PLXNA1: variants seen among roughly 807,000 people sequenced by gnomAD.
The protein encoded by PLXNA1 is plexin A1, also known as plexin-A1.
Under a neutral mutation model 191.7 loss-of-function variants are expected in PLXNA1, and 77 were observed. That is an observed-to-expected ratio of 0.40 (90% CI 0.33 to 0.49). PLXNA1 has a LOEUF of 0.49. Ranked by LOEUF, PLXNA1 falls within the 20% of genes least tolerant of loss-of-function variation. The probability of loss-of-function intolerance (pLI) is 0.63; values close to 1 mark genes in which losing one functional copy is unlikely to be tolerated. For missense variants in PLXNA1, 2,110 were observed against 2,660.2 expected, an observed-to-expected ratio of 0.79 and a Z score of 4.55; for synonymous variants, 1,137 against 1,156.4, an observed-to-expected ratio of 0.98 and a Z score of 0.34.
chr3:126,992,292 C>T (rs73194708), intron 3 of PLXNA1, among the ~76,000 whole-genome samples: 6,586 of 152,086 alleles, frequency 0.043, 347 homozygotes, highest in African/African-American at 0.13. Context: ...AGGAAGCTCC[C>T]GGAGAGACTG....
chr3:126,986,865 A>G (rs1438524879), intron 1 of PLXNA1, among the ~76,000 whole-genome samples: 2 of 152,184 alleles, frequency 1.3e-5, no homozygotes, highest in Non-Finnish European at 2.9e-5. Flanking sequence ...TCCCTGGTAG[A>G]CTTGGAGAAG....
intron 1 of PLXNA1, among the ~76,000 whole-genome samples, chr3:126,984,807 A>T (rs912356022): frequency 2.0e-5 from 3 of 152,178 alleles, no homozygotes; most frequent in African/African-American, 7.2e-5. Context: ...TTGAGCCCCC[A>T]GGAAAGCCCC....
At chr3:127,025,885 A>G (rs1338491005) in intron 23 of PLXNA1, among the ~76,000 whole-genome samples, 1 of 152,246 alleles carries the variant, frequency 6.6e-6, no homozygotes. Flanking sequence ...AACTCTTTTT[A>G]AACAACCCAA....
In PLXNA1 at chr3:127,033,949, C is replaced by T; in HGVS notation, c.5623C>T (p.Gln1875Ter). The change falls in exon 32 of 32, where the codon CAG becomes TAG. Residue 1875 changes from glutamine to a stop codon, truncating the protein, a stop_gained. Coordinates refer to ENST00000393409, the MANE Select transcript of PLXNA1 (RefSeq NM_032242.4). LOFTEE classifies it high-confidence loss of function. Reference protein sequence around the residue: ...EILAALEKDEQARRQRLRSKL... With the variant: ...EILAALEKDE ...CCTGGCAGCCCTGGAGAAGGATGAGCAGGCGCGGCGGCAGCGGCTGCGGAG... is the reference window on the plus strand; with the variant it reads ...CCTGGCAGCCCTGGAGAAGGATGAGTAGGCGCGGCGGCAGCGGCTGCGGAG... The T allele has an allele frequency of 6.2e-7, 1 of 1,605,484 alleles. No individual in the cohort carries two copies. The highest frequency in any genetic ancestry group is 8.5e-7 in the Non-Finnish European group (1 of 1,177,268).
At chr3:127,012,909 T>TC (rs2107630978) in intron 10 of PLXNA1, among the ~76,000 whole-genome samples, 1 of 152,328 alleles carries the variant, frequency 6.6e-6, no homozygotes, top group African/African-American at 2.4e-5. Flanking sequence ...GCAGTGGGCT[T>TC]CCTGTAACTC....
In PLXNA1 at chr3:127,014,247, T is replaced by C; in HGVS notation, c.2476T>C (p.Phe826Leu). ...CGLCLKADPR[F>L]ECGWCVAERR... ...CCTCTGCCTCAAGGCCGACCCGCGC[T>C]TCGAGTGCGGATGGTGCGTGGCCGA... Residue 826 changes from phenylalanine (F) to leucine (L), a missense_variant, in exon 12 of 32, where the codon TTC becomes CTC. By Grantham distance (22) the Phe-to-Leu change is conservative. Around this residue, in one of 4 missense-constraint regions of PLXNA1, gnomAD observed 644 missense variants for 714.3 expected, o/e 0.90. Transcript: ENST00000393409. The C allele has an allele frequency of 6.2e-7, 1 of 1,602,826 alleles. No individual in the cohort carries two copies. The highest frequency in any genetic ancestry group is 8.5e-7 in the Non-Finnish European group (1 of 1,175,274).
Position 127,032,367 on chromosome 3 carries a change from G to A in PLXNA1, c.5232-20G>A, listed in dbSNP as rs754347448. The A allele has an allele frequency of 6.8e-6, 11 of 1,611,758 alleles. No individual in the cohort carries two copies. The African/African-American group carries it at 1.3e-4, about 20-fold the overall frequency. ...GGGAGCAGAGGCCTATCTGAGCAGC[G>A]CCTGGACTCTCGCCTGCAGCCTGCC... On this transcript the variant is annotated intron_variant, in intron 29 of 31. Transcript: ENST00000393409.
chr3:127,009,844 C>T (rs1383532867), intron 9 of PLXNA1, among the ~76,000 whole-genome samples: 1 of 152,186 alleles, frequency 6.6e-6, no homozygotes, highest in Non-Finnish European at 1.5e-5. Flanking sequence ...GTGCTGTGTG[C>T]CAGGGCCTAA....
chr3:127,011,015 C>T (rs1287718757), intron 9 of PLXNA1, among the ~76,000 whole-genome samples: 3 of 152,310 alleles, frequency 2.0e-5, no homozygotes, highest in South Asian at 2.1e-4. Context: ...ACAAGGCCCA[C>T]GGTGGCCCGT....
intron 17 of PLXNA1, 145 bp from the exon 18 acceptor site, chr3:127,017,280 G>A (rs939325855): frequency 3.7e-5 from 46 of 1,237,428 alleles, no homozygotes; most frequent in Non-Finnish European, 4.4e-5. Context: ...GGTCCACGTC[G>A]GGTGGGTGGC....
intron 9 of PLXNA1, among the ~76,000 whole-genome samples, chr3:127,008,589 C>A (rs1318385935): frequency 1.3e-5 from 2 of 152,162 alleles, no homozygotes; most frequent in East Asian, 3.8e-4. Flanking sequence ...CCACCCCCAT[C>A]CCCACCGGGT....
chr3:127,017,376 C>T (rs369490445), intron 17 of PLXNA1, 49 bp from the exon 18 acceptor site: 48 of 1,584,642 alleles, frequency 3.0e-5, no homozygotes, highest in Middle Eastern at 2.3e-4. Context: ...TGGGAGCTGC[C>T]GGGCCACTCG....
In PLXNA1 at chr3:126,988,552, C is replaced by T; in HGVS notation, c.-42C>T. On this transcript the variant is annotated 5_prime_UTR_variant, in exon 2 of 32. Coordinates refer to ENST00000393409, the MANE Select transcript of PLXNA1 (RefSeq NM_032242.4). ...AGCTCCTGGCACCATGATGCTCACC[C>T]CAGCAGGACCAGAGCACCGAGGCCC... is the stretch of plus-strand genomic sequence containing the variant. The T allele has an allele frequency of 7.0e-7, 1 of 1,434,936 alleles. No homozygotes were observed. Among genetic ancestry groups the T allele is most frequent in the South Asian group, 1.5e-5 (1 of 68,954 alleles). The allele number at this position is 1,434,936 out of a possible 1,614,324, so 88.9% of individuals were successfully genotyped here.
chr3:127,019,313 G>A (rs1278339151), intron 20 of PLXNA1, among the ~76,000 whole-genome samples: 2 of 152,178 alleles, frequency 1.3e-5, no homozygotes, highest in Admixed American at 1.3e-4. Context: ...CTGCATCCTG[G>A]GAGCCCTCTC....
chr3:127,014,885 C>A, intron 14 of PLXNA1, 54 bp downstream of exon 14: 1 of 1,583,158 alleles, frequency 6.3e-7, no homozygotes. Context: ...GAGAGGGTGC[C>A]GCTCAGGGCT....
chr3:127,028,670 G>A, intron 25 of PLXNA1: 1 of 519,922 alleles, frequency 1.9e-6, no homozygotes, highest in Non-Finnish European at 3.4e-6. Flanking sequence ...TTTGGGGTGG[G>A]GCCCGGAGTC....
At chr3:127,003,573 C>T (rs542777106) in intron 4 of PLXNA1, 103 bp downstream of exon 4, 62 of 1,298,156 alleles carry the variant, frequency 4.8e-5, no homozygotes, top group Non-Finnish European at 5.7e-5. Context: ...ACAAGTTGGG[C>T]GTCCATGGCT....
chr3:127,028,366 CG>C, intron 25 of PLXNA1, 26 bp downstream of exon 25: 2 of 1,598,682 alleles, frequency 1.3e-6, no homozygotes. Context: ...CACGGCTGCC[CG>C]GGGTGTGTGC....
At position 127,028,144 on chromosome 3, in the gene PLXNA1, G is replaced by A. The variant is rs1003864385; in HGVS notation, c.4510-37G>A. On this transcript the variant is annotated intron_variant, in intron 24 of 31. Transcript: ENST00000393409. ...TGGTGCCCCCCACCCCCCAGTTGTG[G>A]GGCTGACGCTGCCCCCTTGCTCCAC... 6 of 1,613,406 alleles carry A rather than the reference G, an allele frequency of 3.7e-6. No individual in the cohort carries two copies. The South Asian group carries it at 6.6e-5, about 18-fold the overall frequency.
Sources: allele counts gnomAD v4.1 joint callset (sites outside exome capture counted in the v4.1 genomes callset), GRCh38; gene constraint gnomAD v4.1.1; regional missense constraint gnomAD v4.1.1; transcripts MANE v1.5; gene names NCBI Gene and HGNC (gene_info 2026-07-23, HGNC 2026-07-21).